Variants in TLN1 observed in about 807,000 individuals in gnomAD.
The protein encoded by TLN1 is talin 1.
TLN1 carries 56 observed loss-of-function variants against 292.3 expected under a neutral mutation model. The observed-to-expected ratio is 0.19, with a 90% CI of 0.15 to 0.24. The LOEUF is 0.24. Ranked by LOEUF, TLN1 falls within the 10% of genes least tolerant of loss-of-function variation. The probability of loss-of-function intolerance (pLI) is 1.00; values close to 1 mark genes in which losing one functional copy is unlikely to be tolerated. For synonymous variants in TLN1, 1,119 were observed against 1,253.7 expected (o/e 0.89, Z 2.27); for missense variants, 2,433 against 3,248.2 (o/e 0.75, Z 6.10).
chr9:35,722,188 C>T lies in TLN1; in HGVS notation c.879G>A (p.Glu293=), dbSNP rs763678167. 18 of 1,614,068 alleles carry T rather than the reference C, an allele frequency of 1.1e-5. No homozygotes were observed. The highest frequency in any genetic ancestry group is 1.4e-5 in the Non-Finnish European group (16 of 1,180,034). Residue 293 remains glutamate (E), a synonymous_variant, in exon 9 of 57, where the codon GAG becomes GAA. Coordinates refer to ENST00000314888, the MANE Select transcript of TLN1 (RefSeq NM_006289.4). ...HKNCGQMSEI[E]AKVRYVKLAR... ...CTAGCTTCACGTAGCGGACCTTGGC[C>T]TCAATCTCACTCATCTGCCCACAAT...
Position 35,715,180 on chromosome 9 carries a change from G to A in TLN1, c.2633C>T (p.Ala878Val). ...AKMVEAAKGA[A>V]AHPDSEEQQQ... ...CTGCTCCTCACTGTCAGGGTGGGCA[G>A]CTGCTCCCTGAGGGAGAGGTGGAAA... The change falls in exon 21 of 57, where the codon GCT becomes GTT. Residue 878 changes from alanine to valine, a missense_variant. By Grantham distance (64) the Ala-to-Val change is moderately conservative. Transcript: ENST00000314888. 6.2e-7 allele frequency: 1 copy of A among 1,610,522 alleles called. No homozygotes were observed. Among genetic ancestry groups the A allele is most frequent in the Non-Finnish European group, 8.5e-7 (1 of 1,179,966 alleles).
At position 35,720,421 on chromosome 9, in the gene TLN1, C is replaced by G. The variant is rs1170653167; in HGVS notation, c.1283+12G>C. The G allele has an allele frequency of 6.2e-7, 1 of 1,613,592 alleles. No homozygotes were observed. Among genetic ancestry groups the G allele is most frequent in the Non-Finnish European group, 8.5e-7 (1 of 1,179,670 alleles). ...CCCCTGGGAAATGGGATCAGCCCAA[C>G]TCCCTTCGTACTTTTTGGGGGACAC... On this transcript the variant is annotated intron_variant, in intron 12 of 56. Coordinates refer to ENST00000314888, the MANE Select transcript of TLN1 (RefSeq NM_006289.4).
chr9:35,708,045 C>A, intron 34 of TLN1, 153 bp from the exon 35 acceptor site: 2 of 886,000 alleles, frequency 2.3e-6, no homozygotes, highest in Non-Finnish European at 3.4e-6. Flanking sequence ...ATCTAGGAGA[C>A]AGAGATACCC....
At chr9:35,708,824 T>A (rs1488107367) in intron 33 of TLN1, among the ~76,000 whole-genome samples, 1 of 152,232 alleles carries the variant, frequency 6.6e-6, no homozygotes, top group Non-Finnish European at 1.5e-5. Context: ...TAAGTAGCAG[T>A]AAAACGTTTG....
Position 35,706,775 on chromosome 9 carries a change from G to A in TLN1, c.5081C>T (p.Ser1694Phe). 6.2e-7 allele frequency: 1 copy of A among 1,613,796 alleles called. No homozygotes were observed. Among genetic ancestry groups the A allele is most frequent in the Non-Finnish European group, 8.5e-7 (1 of 1,179,944 alleles). ...TAACCCTCTCCCTCTCACCTCTTGA[G>A]AGATTCCCTCACGGGGAGCAAGCTG... Reference protein sequence around the residue: ...SQQLAPREGISQEALHTQMLT... With the variant: ...SQQLAPREGIFQEALHTQMLT... Residue 1694 changes from serine to phenylalanine, a missense_variant, in exon 38 of 57, where the codon TCT (serine) becomes TTT (phenylalanine). Ser to Phe is a radical substitution (Grantham distance 155, BLOSUM62 -2). This residue lies in a region of TLN1 where 1,384 missense variants were observed against 1,699.6 expected (regional missense o/e 0.81). Transcript: ENST00000314888. The surrounding 1 kb of genome is among the most constrained non-coding windows in gnomAD (Gnocchi z 4.2).
intron 9 of TLN1, 130 bp downstream of exon 9, chr9:35,721,989 A>G (rs1204609126): frequency 8.7e-7 from 1 of 1,151,092 alleles, no homozygotes; most frequent in Non-Finnish European, 1.3e-6. Context: ...ATGAGGTCAG[A>G]GCAAGGAAGA....
chr9:35,719,744 T>C lies in TLN1; in HGVS notation c.1574A>G (p.Asp525Gly). The change falls in exon 14 of 57, where the codon GAT (aspartate) becomes GGT (glycine). Residue 525 changes from aspartate (D) to glycine (G), a missense_variant. Asp to Gly is a moderately conservative substitution (Grantham distance 94). Transcript: ENST00000314888. The surrounding 1 kb of genome is among the most constrained non-coding windows in gnomAD (Gnocchi z 4.6). ...TCTCCTCCATCCCATACTTACAGCATCCTGGCCAAGAGGCGGCAGAGTGTC... is the reference window on the plus strand; with the variant it reads ...TCTCCTCCATCCCATACTTACAGCACCCTGGCCAAGAGGCGGCAGAGTGTC... ...DFDTLPPLGQ[D>G]AASKAWRKNK... 6.2e-7 allele frequency: 1 copy of C among 1,609,912 alleles called. No individual in the cohort carries two copies.
chr9:35,713,937 T>A lies in TLN1; in HGVS notation c.3249+16A>T. On this transcript the variant is annotated intron_variant, in intron 25 of 56. Transcript: ENST00000314888. ...CTTTAGGATTTGAGTAAGAATGAGG[T>A]CTTAAACATACTTACTGTCTCCCCA... is the stretch of plus-strand genomic sequence containing the variant. 6.2e-7 allele frequency: 1 copy of A among 1,613,924 alleles called. No individual in the cohort carries two copies.
rs759643203 is a variant in TLN1, at chr9:35,719,109, C to T, written c.1861G>A (p.Glu621Lys). 1.2e-6 allele frequency: 2 copies of T among 1,613,938 alleles called. No homozygotes were observed. The highest frequency in any genetic ancestry group is 3.3e-5 in the Admixed American group (2 of 60,024). The change falls in exon 16 of 57, where the codon GAA becomes AAA. Residue 621 changes from glutamate (E) to lysine (K), a missense_variant. Around this residue, in one of 7 missense-constraint regions of TLN1, gnomAD observed 617 missense variants for 770.6 expected, o/e 0.80. Coordinates refer to ENST00000314888, the MANE Select transcript of TLN1 (RefSeq NM_006289.4). The surrounding 1 kb of genome is among the most constrained non-coding windows in gnomAD (Gnocchi z 4.6). ...GCTGGTTGGGCACTGCGCAGCAGTT[C>T]TGACACTGCTCCCGCAAGGCCCTTT... ...AAKGLAGAVS[E>K]LLRSAQPASA...
rs759363748 is a variant in TLN1, at chr9:35,714,242, C to T, written c.3117G>A (p.Gln1039=). ...TALAELRTAA[Q]KAQEACGPLE... The stretch of plus-strand genomic sequence containing the variant: ...AAGCCAGAACCAGCTTCCATACCTT[C>T]TGGGCAGCCGTCCGGAGTTCAGCCA... Residue 1039 remains glutamine (Q), a synonymous_variant, in exon 24 of 57, where the codon CAG becomes CAA. Transcript: ENST00000314888. This position sits in a 1 kb window ranked among gnomAD's most constrained non-coding sequence, Gnocchi z 4.6. 1 of 1,608,746 alleles carries T rather than the reference C, an allele frequency of 6.2e-7. No homozygotes were observed. The highest frequency in any genetic ancestry group is 8.5e-7 in the Non-Finnish European group (1 of 1,176,308).
Position 35,720,227 on chromosome 9 carries a change from G to C in TLN1, c.1284-8C>G, listed in dbSNP as rs1825857191. ...TGCTGCAGGACTGTTGACCTGTAGA[G>C]GGGTGAACTATTGAGCTCACAGAGG... On this transcript the variant is annotated splice_region_variant and splice_polypyrimidine_tract_variant and intron_variant, in intron 12 of 56. Transcript: ENST00000314888. The C allele has an allele frequency of 6.4e-7, 1 of 1,573,092 alleles. No individual in the cohort carries two copies. Among genetic ancestry groups the C allele is most frequent in the African/African-American group, 1.4e-5 (1 of 73,544 alleles).
chr9:35,714,717 C>A lies in TLN1; in HGVS notation c.2872-30G>T, dbSNP rs1825746847. 1.9e-6 allele frequency: 3 copies of A among 1,612,584 alleles called. No homozygotes were observed. In the East Asian group the frequency reaches 6.7e-5, roughly 36 times the overall value. On this transcript the variant is annotated intron_variant, in intron 22 of 56. Transcript: ENST00000314888. This position sits in a 1 kb window ranked among gnomAD's most constrained non-coding sequence, Gnocchi z 4.6. The stretch of plus-strand genomic sequence containing the variant: ...AGGTGAAAATGTCATAAGAGACCCA[C>A]AAGTCTCCCTCTTCCACTCCCACAT...
intron 1 of TLN1, among the ~76,000 whole-genome samples, chr9:35,726,370 G>A (rs911641072): frequency 1.3e-5 from 2 of 152,112 alleles, no homozygotes; most frequent in Non-Finnish European, 2.9e-5. Context: ...CCTTGTCCCT[G>A]ATCACCTTTC....
chr9:35,722,367 G>A (rs1185395849), intron 8 of TLN1, 144 bp from the exon 9 acceptor site: 5 of 724,070 alleles, frequency 6.9e-6, no homozygotes, highest in Admixed American at 2.1e-5. Flanking sequence ...AGAGGGTAAC[G>A]GGATGGAGGC....
At position 35,713,294 on chromosome 9, in the gene TLN1, T is replaced by C; in HGVS notation, c.3254A>G (p.Glu1085Gly). The C allele has an allele frequency of 6.3e-7, 1 of 1,587,364 alleles. No homozygotes were observed. The highest frequency in any genetic ancestry group is 8.6e-7 in the Non-Finnish European group (1 of 1,158,158). ...KLKPLPGETM[E>G]KCTQDLGNST... ...GTTGCCCAGGTCCTGGGTACACTTC[T>C]CCATCTAAGGATGAAGGGGGAAGAA... The change falls in exon 26 of 57, where the codon GAG becomes GGG. Residue 1085 changes from glutamate (E) to glycine (G), a missense_variant. This residue lies in a region of TLN1 where 1,384 missense variants were observed against 1,699.6 expected (regional missense o/e 0.81). Coordinates refer to ENST00000314888, the MANE Select transcript of TLN1 (RefSeq NM_006289.4).
rs1434029064 is a variant in TLN1, at chr9:35,719,703, T to C, written c.1578+37A>G. On this transcript the variant is annotated intron_variant, in intron 14 of 56. Coordinates refer to ENST00000314888, the MANE Select transcript of TLN1 (RefSeq NM_006289.4). This position sits in a 1 kb window ranked among gnomAD's most constrained non-coding sequence, Gnocchi z 4.6. ...CATCCCTATCCCTTGGAGTCTCAGCTTCAGTACCACCGGCCTCTCCTCCAT... is the reference window on the plus strand; with the variant it reads ...CATCCCTATCCCTTGGAGTCTCAGCCTCAGTACCACCGGCCTCTCCTCCAT... The C allele has an allele frequency of 2.5e-6, 4 of 1,611,542 alleles. No homozygotes were observed. The highest frequency in any genetic ancestry group is 3.4e-6 in the Non-Finnish European group (4 of 1,178,158).
chr9:35,718,036 C>T (rs1408121168), intron 17 of TLN1, among the ~76,000 whole-genome samples: 1 of 152,076 alleles, frequency 6.6e-6, no homozygotes, highest in East Asian at 1.9e-4. Flanking sequence ...CGGATACACT[C>T]GATGATGACG....
chr9:35,703,233 G>A (rs933981787), intron 48 of TLN1, among the ~76,000 whole-genome samples: 6 of 152,196 alleles, frequency 3.9e-5, no homozygotes, highest in African/African-American at 1.4e-4. Context: ...GGAGGTGGAG[G>A]TTGTAGTGAG....
At position 35,698,745 on chromosome 9, in the gene TLN1, G is replaced by C. The variant is rs1825412612; in HGVS notation, c.7125+63C>G. The stretch of plus-strand genomic sequence containing the variant: ...TCACTTCAAAGACTCGCTGGCTATG[G>C]ATGTGGATGTGGACATCAAAGTGCC... On this transcript the variant is annotated intron_variant, in intron 53 of 56. Coordinates refer to ENST00000314888, the MANE Select transcript of TLN1 (RefSeq NM_006289.4). The surrounding 1 kb of genome is among the most constrained non-coding windows in gnomAD (Gnocchi z 5.3). 1.9e-6 allele frequency: 3 copies of C among 1,613,904 alleles called. No individual in the cohort carries two copies. Among genetic ancestry groups the C allele is most frequent in the African/African-American group, 2.7e-5 (2 of 75,034 alleles).
Sources: allele counts gnomAD v4.1 joint callset (sites outside exome capture counted in the v4.1 genomes callset), GRCh38; gene constraint gnomAD v4.1.1; regional missense constraint gnomAD v4.1.1; non-coding constraint Gnocchi (gnomAD v3.1); transcripts MANE v1.5; gene names NCBI Gene and HGNC (gene_info 2026-07-23, HGNC 2026-07-21).